Variants in DIAPH2 observed in about 807,000 individuals in gnomAD.
DIAPH2 encodes protein diaphanous homolog 2.
In DIAPH2, 35 loss-of-function variants were observed where a neutral mutation model predicts 92.7. That is an observed-to-expected ratio of 0.38 (90% CI 0.29 to 0.50). The LOEUF is 0.50. Among genes scored for constraint, DIAPH2 ranks in the 20% least tolerant of loss-of-function variants. The pLI is 0.94. For missense variants in DIAPH2, 701 were observed against 819.5 expected (o/e 0.86, Z 1.77); for synonymous variants, 301 against 280.4 (o/e 1.07, Z -0.73).
chrX:97,241,300 C>CT (rs1214338958), intron 22 of DIAPH2, among the ~76,000 whole-genome samples: 3,156 of 103,428 alleles, frequency 0.031, 48 homozygotes, highest in Middle Eastern at 0.05. Context: ...ATGACTAATT[C>CT]TTTTTTTTTT....
At chrX:97,131,623 A>G (rs2067138822) in intron 21 of DIAPH2, among the ~76,000 whole-genome samples, 1 of 112,261 alleles carries the variant, frequency 8.9e-6, no homozygotes, top group Admixed American at 9.4e-5. Flanking sequence ...GCTCATGACA[A>G]TAAAAGTTAA....
chrX:97,151,633 T>C (rs2067286810), intron 22 of DIAPH2, among the ~76,000 whole-genome samples: 1 of 111,061 alleles, frequency 9.0e-6, no homozygotes, highest in African/African-American at 3.3e-5. Context: ...TATTATGCTG[T>C]CTTATATGTC....
intron 5 of DIAPH2, chrX:96,885,110 T>C (rs1389822912): frequency 1.7e-6 from 2 of 1,189,047 alleles, no homozygotes; most frequent in Non-Finnish European, 1.1e-6. Context: ...AGGGAAAACA[T>C]CCTTTCATTT....
chrX:97,468,937 C>G (rs1230659966), intron 26 of DIAPH2, among the ~76,000 whole-genome samples: 1 of 111,408 alleles, frequency 9.0e-6, no homozygotes, highest in East Asian at 2.8e-4. Flanking sequence ...AGCATAGACT[C>G]TAATTATTAT....
Position 97,387,106 on chromosome X carries a change from C to T in DIAPH2, c.3145+3062C>T, listed in dbSNP as rs760746290. 5.4e-5 allele frequency among the ~76,000 whole-genome samples: 6 copies of T among 110,627 alleles called. No individual in the cohort carries two copies. In the East Asian group the frequency reaches 1.7e-3, roughly 31 times the overall value. On this transcript the variant is annotated intron_variant, in intron 25 of 26. Transcript: ENST00000324765. ...TTGAGACAGGGTCTCACTCTGTCACCCATGATGGAGTGCAGTGCCATGATC... is the reference window on the plus strand; with the variant it reads ...TTGAGACAGGGTCTCACTCTGTCACTCATGATGGAGTGCAGTGCCATGATC...
chrX:97,143,088 C>A (rs1005551388), intron 22 of DIAPH2, among the ~76,000 whole-genome samples: 4 of 111,071 alleles, frequency 3.6e-5, no homozygotes, highest in Admixed American at 1.9e-4. Context: ...TATTTATTTT[C>A]TTTCGTTGTT....
In DIAPH2 at chrX:96,930,774, T is replaced by G. The variant is rs1602638379; in HGVS notation, c.1020T>G (p.Pro340=). The G allele has an allele frequency of 3.3e-6, 4 of 1,205,368 alleles. No homozygotes were observed. The East Asian group carries it at 1.2e-4, about 36-fold the overall frequency. ...MQFINALVTS[P]YELDFRIHLR... ...TTATAAATGCCCTTGTCACTTCTCC[T>G]TATGAGCTTGATTTTCGAATACATT... The change falls in exon 10 of 27, where the codon CCT becomes CCG. Residue 340 remains proline (P), a synonymous_variant. Transcript: ENST00000324765.
chrX:97,300,847 G>A (rs1237847516), intron 23 of DIAPH2, among the ~76,000 whole-genome samples: 1 of 97,292 alleles, frequency 1.0e-5, no homozygotes, highest in Non-Finnish European at 2.0e-5. Context: ...CAGGAGAATG[G>A]CGTGAACCCG....
intron 3 of DIAPH2, among the ~76,000 whole-genome samples, chrX:96,742,052 C>T (rs6615852): frequency 0.2 from 21,590 of 110,281 alleles, 1,592 homozygotes; most frequent in East Asian, 0.32. Context: ...CAATAGATCT[C>T]TCAAAATAAC....
chrX:97,498,013 A>G (rs2070771103), intron 26 of DIAPH2, among the ~76,000 whole-genome samples: 1 of 111,443 alleles, frequency 9.0e-6, no homozygotes. Context: ...GCTCATCAAA[A>G]CTAGAATGTT....
chrX:97,089,801 C>T (rs1187882534), intron 19 of DIAPH2, among the ~76,000 whole-genome samples: 1 of 110,630 alleles, frequency 9.0e-6, no homozygotes, highest in Non-Finnish European at 1.9e-5. Flanking sequence ...CATCTCGGCT[C>T]AGTGCAAGCT....
chrX:97,018,525 A>C (rs2066275351), intron 17 of DIAPH2, among the ~76,000 whole-genome samples: 1 of 112,282 alleles, frequency 8.9e-6, no homozygotes, highest in African/African-American at 3.2e-5. Flanking sequence ...TGATTTTAAT[A>C]GAGGAAATTA....
At chrX:97,435,294 C>A (rs1269193098) in intron 26 of DIAPH2, among the ~76,000 whole-genome samples, 1 of 111,406 alleles carries the variant, frequency 9.0e-6, no homozygotes, top group African/African-American at 3.3e-5. Flanking sequence ...TTATTGAATG[C>A]CTCCTCGGTG....
At chrX:96,817,480 G>A (rs2064745123) in intron 4 of DIAPH2, among the ~76,000 whole-genome samples, 1 of 111,695 alleles carries the variant, frequency 9.0e-6, no homozygotes, top group African/African-American at 3.3e-5. Flanking sequence ...ATATTTAAAT[G>A]CAAACAATGT....
intron 3 of DIAPH2, among the ~76,000 whole-genome samples, chrX:96,749,437 T>G (rs2064173646): frequency 9.0e-6 from 1 of 110,994 alleles, no homozygotes; most frequent in Non-Finnish European, 1.9e-5. Flanking sequence ...TCCAAGTTCA[T>G]TTTATTTTGA....
intron 22 of DIAPH2, among the ~76,000 whole-genome samples, chrX:97,165,714 G>A (rs1162037682): frequency 9.2e-6 from 1 of 108,225 alleles, no homozygotes; most frequent in African/African-American, 3.4e-5. Flanking sequence ...TGTTGGCCAG[G>A]CTGGTCTCAA....
chrX:96,852,516 G>A (rs1242287376), intron 4 of DIAPH2, among the ~76,000 whole-genome samples: 3 of 111,776 alleles, frequency 2.7e-5, no homozygotes, highest in Non-Finnish European at 3.8e-5. Flanking sequence ...CAGCTGGAGG[G>A]AGCTGTGCTA....
In DIAPH2 at chrX:97,446,263, T is replaced by C. The variant is rs1018427158; in HGVS notation, c.3241+16518T>C. On this transcript the variant is annotated intron_variant, in intron 26 of 26. Transcript: ENST00000324765. ...AAAAAAACTTTAAAAGGAAAAAATA[T>C]CTTTTCATAAAAGTTCCTCAAACTA... 4.4e-5 allele frequency among the ~76,000 whole-genome samples: 5 copies of C among 112,383 alleles called. No homozygotes were observed. The Admixed American group carries it at 4.7e-4, about 11-fold the overall frequency.
intron 26 of DIAPH2, among the ~76,000 whole-genome samples, chrX:97,556,422 T>G (rs1450351057): frequency 1.8e-5 from 2 of 112,372 alleles, no homozygotes; most frequent in African/African-American, 6.5e-5. Context: ...ACAACAGAAA[T>G]TTATTCTCTC....
Sources: gnomAD v4.1 joint callset for allele counts (sites outside exome capture counted in the v4.1 genomes callset) on GRCh38, gnomAD v4.1.1 for gene constraint, MANE v1.5 for transcripts, NCBI Gene and HGNC (gene_info 2026-07-23, HGNC 2026-07-21) for gene names.